The following PLXDC1 variants were observed in gnomAD, a reference collection of about 807,000 sequenced individuals.
PLXDC1 encodes plexin domain-containing protein 1.
In PLXDC1, 39 loss-of-function variants were observed where a neutral mutation model predicts 61.3. The observed-to-expected ratio is 0.64, with a 90% confidence interval of 0.49 to 0.83. The LOEUF (loss-of-function observed/expected upper bound fraction) is 0.83. Among genes scored for constraint, PLXDC1 ranks in the 40% least tolerant of loss-of-function variants. The pLI is 0.00. For missense variants in PLXDC1, 596 were observed against 666.5 expected (o/e 0.89, Z 1.17); for synonymous variants, 212 against 254.5 (o/e 0.83, Z 1.59).
Position 39,128,088 on chromosome 17 carries a change from T to TATGTGTATATATATATATATATA in PLXDC1, c.255+11565_255+11566insTATATATATATATATATACACAT, listed in dbSNP as rs1213213801. On this transcript the variant is annotated intron_variant, in intron 2 of 13. Coordinates refer to ENST00000315392, the MANE Select transcript of PLXDC1 (RefSeq NM_020405.5). ...CTCTGTCTCTCTCTCTCTCTCTCTC[T>TATGTGTATATATATATATATATA]CTCTATGTGTATATATATATATATA... Among the ~76,000 whole-genome samples, 628 of 104,654 alleles carry TATGTGTATATATATATATATATA rather than the reference T, an allele frequency of 6.0e-3. 42 individuals are homozygous for TATGTGTATATATATATATATATA. The highest frequency in any genetic ancestry group is 0.014 in the Middle Eastern group (3 of 210). The allele number at this position is 104,654 out of a possible 152,430, so 68.7% of individuals were successfully genotyped here. A position where few individuals can be genotyped will look rare whatever the true frequency, so the allele number is the denominator to read the frequency against.
At chr17:39,109,102 A>C (rs1910702999) in intron 3 of PLXDC1, 129 bp from the exon 4 acceptor site, 69 of 1,301,144 alleles carry the variant, frequency 5.3e-5, no homozygotes, top group Non-Finnish European at 6.6e-5. Context: ...GGGCACCCCA[A>C]CTCTGGCAAA....
chr17:39,125,040 C>T (rs1911274931), intron 2 of PLXDC1, among the ~76,000 whole-genome samples: 1 of 152,194 alleles, frequency 6.6e-6, no homozygotes, highest in African/African-American at 2.4e-5. Flanking sequence ...TGGTCTCAAA[C>T]TCCTGGGCTC....
chr17:39,150,845 G>A (rs1051212631), intron 1 of PLXDC1, among the ~76,000 whole-genome samples: 2 of 152,208 alleles, frequency 1.3e-5, no homozygotes, highest in African/African-American at 4.8e-5. Flanking sequence ...GCAAGGGAAG[G>A]TGACCGAATG....
chr17:39,100,666 T>C (rs1216246374), intron 7 of PLXDC1, among the ~76,000 whole-genome samples: 1 of 152,268 alleles, frequency 6.6e-6, no homozygotes, highest in African/African-American at 2.4e-5. Context: ...GTTGCAGTTT[T>C]AAGCCACTAA....
chr17:39,134,636 A>G (rs564590955), intron 2 of PLXDC1, among the ~76,000 whole-genome samples: 2 of 148,332 alleles, frequency 1.3e-5, no homozygotes, highest in South Asian at 4.2e-4. Flanking sequence ...TAAAAAAAAA[A>G]AAAGAAAAAG....
At chr17:39,130,192 C>T (rs1314779957) in intron 2 of PLXDC1, among the ~76,000 whole-genome samples, 1 of 152,104 alleles carries the variant, frequency 6.6e-6, no homozygotes, top group Non-Finnish European at 1.5e-5. Context: ...GTGGCTCATG[C>T]CTGTAATCCC....
intron 11 of PLXDC1, chr17:39,073,094 G>T (rs1276034369): frequency 6.4e-6 from 1 of 155,700 alleles, no homozygotes; most frequent in Non-Finnish European, 1.4e-5. Context: ...CGTCACACAG[G>T]CTGGAGTGCA....
At chr17:39,079,324 T>C (rs1006115385) in intron 9 of PLXDC1, 160 bp from the exon 10 acceptor site, 1 of 658,626 alleles carries the variant, frequency 1.5e-6, no homozygotes, top group South Asian at 1.5e-5. Context: ...CCCCGGAAGA[T>C]GAAGGTATTT....
intron 1 of PLXDC1, among the ~76,000 whole-genome samples, chr17:39,141,501 T>C (rs1398479426): frequency 1.3e-5 from 2 of 152,246 alleles, no homozygotes; most frequent in Admixed American, 6.5e-5. Flanking sequence ...TATTCCATTG[T>C]GTGGATATAC....
At chr17:39,107,292 A>G in intron 6 of PLXDC1, 115 bp downstream of exon 6, 1 of 662,886 alleles carries the variant, frequency 1.5e-6, no homozygotes, top group Non-Finnish European at 2.7e-6. Flanking sequence ...CATCTTGTTA[A>G]CTGCTGTATT....
chr17:39,087,163 C>G (rs1330285192), intron 8 of PLXDC1, among the ~76,000 whole-genome samples: 1 of 152,182 alleles, frequency 6.6e-6, no homozygotes, highest in Non-Finnish European at 1.5e-5. Context: ...CCTGCTAAGT[C>G]CCTCCATTGC....
intron 7 of PLXDC1, chr17:39,097,066 G>T: frequency 2.2e-6 from 1 of 463,384 alleles, no homozygotes; most frequent in South Asian, 1.6e-5. Flanking sequence ...GCTGTGAGGA[G>T]TCCTCCCCAT....
intron 9 of PLXDC1, chr17:39,081,451 T>TAAA (rs35707439): frequency 5.4e-5 from 7 of 130,088 alleles, no homozygotes; most frequent in South Asian, 2.4e-4. Context: ...TCATCTCTAC[T>TAAA]AAAAAAAAAA....
intron 11 of PLXDC1, among the ~76,000 whole-genome samples, chr17:39,073,777 T>C (rs534402924): frequency 6.6e-6 from 1 of 152,390 alleles, no homozygotes; most frequent in South Asian, 2.1e-4. Flanking sequence ...CAAGGTGTTC[T>C]GTTCTGTTGC....
rs934991633 is a variant in PLXDC1 at position 39,067,539 on chromosome 17, GGAGT to G, written c.*297_*300del. Reference sequence around the variant, plus strand: ...AGGTAAAGGCCCCTTAAACAAAAATGGAGTTAGTTATGTTAGTTCTTCTGCTGTT... The same window carrying G: ...AGGTAAAGGCCCCTTAAACAAAAATGTAGTTATGTTAGTTCTTCTGCTGTT... On this transcript the variant is annotated 3_prime_UTR_variant, in exon 14 of 14. Transcript: ENST00000315392. 3 of 258,490 alleles carry G rather than the reference GGAGT, an allele frequency of 1.2e-5. No homozygotes were observed. The highest frequency in any genetic ancestry group is 7.4e-5 in the East Asian group (1 of 13,594). 16.0% of individuals were successfully genotyped at this position (258,490 alleles called of 1,614,324 possible).
At chr17:39,152,648 G>A (rs762942707), upstream of PLXDC1, 4 of 1,241,900 alleles carry the variant, frequency 3.2e-6, no homozygotes, top group Non-Finnish European at 4.0e-6. Context: ...CTAGAAAACC[G>A]CGGAGAGGAA....
At chr17:39,138,327 G>T (rs1911820441) in intron 2 of PLXDC1, among the ~76,000 whole-genome samples, 1 of 152,122 alleles carries the variant, frequency 6.6e-6, no homozygotes, top group Non-Finnish European at 1.5e-5. Flanking sequence ...CAGGAGAGGG[G>T]GCCAGGATCC....
chr17:39,070,133 A>G (rs1909058726), intron 12 of PLXDC1, 117 bp from the exon 13 acceptor site: 1 of 686,620 alleles, frequency 1.5e-6, no homozygotes, highest in Admixed American at 2.8e-5. Context: ...CTTTGGGTCC[A>G]CTTATCCAAT....
At chr17:39,141,928 C>T (rs1379909108) in intron 1 of PLXDC1, among the ~76,000 whole-genome samples, 3 of 152,130 alleles carry the variant, frequency 2.0e-5, no homozygotes, top group African/African-American at 7.2e-5. Flanking sequence ...AACATCTTTT[C>T]ATATGCTTGT....
Sources: gnomAD v4.1 joint callset for allele counts (sites outside exome capture counted in the v4.1 genomes callset) on GRCh38, gnomAD v4.1.1 for gene constraint, MANE v1.5 for transcripts, NCBI Gene and HGNC (gene_info 2026-07-23, HGNC 2026-07-21) for gene names.